VMA22: variants seen among roughly 807,000 people sequenced by gnomAD.
VMA22 encodes the protein vacuolar ATPase assembly factor VMA22, also known as vacuolar ATPase assembly protein VMA22.
At chr2:130,341,878 C>T in the VMA22 span, 2 of 1,482,188 alleles carry the variant, frequency 1.3e-6, no homozygotes, top group Non-Finnish European at 1.8e-6. Context: ...ATGTGGGAAG[C>T]ATACTGCAGG....
chr2:130,339,530 C>A, the VMA22 span: 1 of 1,283,834 alleles, frequency 7.8e-7, no homozygotes, highest in Non-Finnish European at 1.0e-6. Context: ...CCTTCCTTCC[C>A]CCATTATTAC....
the VMA22 span, chr2:130,342,059 C>T: frequency 1.9e-6 from 3 of 1,613,980 alleles, no homozygotes; most frequent in Non-Finnish European, 2.5e-6. Context: ...CCCTCCAGCT[C>T]CTCCAGGTCC....
chr2:130,341,682 C>A, the VMA22 span: 1 of 1,611,500 alleles, frequency 6.2e-7, no homozygotes, highest in Non-Finnish European at 8.5e-7. Context: ...TCGCGAGGCC[C>A]CACCTCCTCT....
the VMA22 span, chr2:130,339,372 C>T: frequency 7.4e-7 from 1 of 1,346,562 alleles, no homozygotes; most frequent in Admixed American, 2.7e-5. Context: ...AGGTACGGCC[C>T]TGCATTGGCT....
At chr2:130,339,264 T>G in the VMA22 span, 1 of 1,586,860 alleles carries the variant, frequency 6.3e-7, no homozygotes, top group Non-Finnish European at 8.6e-7. Flanking sequence ...CACCATGGTA[T>G]CTGTAGTGTA....
the VMA22 span, chr2:130,340,776 A>G: frequency 3.6e-6 from 4 of 1,105,694 alleles, no homozygotes; most frequent in Non-Finnish European, 5.4e-6. Context: ...ATGGGTGTAC[A>G]ACGGAAGTTT....
chr2:130,342,235 G>T, the VMA22 span: 1 of 1,549,144 alleles, frequency 6.5e-7, no homozygotes. Context: ...CCCATCTGGG[G>T]ATCCCCACGC....
the VMA22 span, chr2:130,341,956 G>A: frequency 6.2e-7 from 1 of 1,613,288 alleles, no homozygotes. Context: ...TGCAGGGAGA[G>A]GAAAGCGGTG....
the VMA22 span, chr2:130,342,159 C>T: frequency 3.7e-6 from 6 of 1,609,880 alleles, no homozygotes; most frequent in East Asian, 1.1e-4. Context: ...CACCTTCTTC[C>T]TTGTCACCCT....
At chr2:130,339,770 C>G in the VMA22 span, 1 of 1,303,618 alleles carries the variant, frequency 7.7e-7, no homozygotes, top group East Asian at 5.6e-5. Context: ...CACCTGCCCC[C>G]AGGTGTTGCT....
the VMA22 span, chr2:130,342,340 G>C: frequency 1.2e-6 from 1 of 823,594 alleles, no homozygotes; most frequent in Non-Finnish European, 1.9e-6. Flanking sequence ...TCTCCAATTA[G>C]CCCCCAAGTG....
chr2:130,340,577 A>C, the VMA22 span: 1 of 360,762 alleles, frequency 2.8e-6, no homozygotes, highest in South Asian at 2.2e-5. Flanking sequence ...GTCCCACTCC[A>C]TTATGTGTTT....
chr2:130,340,934 C>T, the VMA22 span: 31 of 1,613,950 alleles, frequency 1.9e-5, no homozygotes, highest in African/African-American at 1.3e-4. Flanking sequence ...TTGAGCCTGA[C>T]GTAGACTGTG....
At chr2:130,341,801 G>GCCCCCCCCCCC in the VMA22 span, 3 of 1,378,138 alleles carry the variant, frequency 2.2e-6, no homozygotes, top group South Asian at 1.3e-5. Context: ...CCTAGAACGC[G>GCCCCCCCCCCC]CCCGCCCGCC....
the VMA22 span, chr2:130,339,182 C>T: frequency 4.3e-6 from 7 of 1,614,046 alleles, no homozygotes; most frequent in Admixed American, 1.2e-4. Context: ...TGGCTTCGAC[C>T]CCAGTCAATG....
the VMA22 span, chr2:130,339,216 TGCG>T: frequency 6.2e-7 from 1 of 1,614,042 alleles, no homozygotes; most frequent in Non-Finnish European, 8.5e-7. Context: ...TGGCTATGTC[TGCG>T]GCCAGCTGCA....
chr2:130,338,880 AGT>A, the VMA22 span: 7 of 514,404 alleles, frequency 1.4e-5, no homozygotes, highest in Admixed American at 2.3e-4. Flanking sequence ...TGCCTATGTG[AGT>A]GTGTCCTATG....
At chr2:130,341,600 A>C in the VMA22 span, 6 of 1,314,008 alleles carry the variant, frequency 4.6e-6, no homozygotes, top group African/African-American at 7.3e-5. Context: ...AATTTAAATC[A>C]TCTCCATAAT....
chr2:130,341,055 T>C, the VMA22 span: 18 of 1,586,308 alleles, frequency 1.1e-5, no homozygotes, highest in Admixed American at 7.3e-5. Flanking sequence ...GAAAGAAAGG[T>C]TGGAGGAGGC....
Sources: allele counts gnomAD v4.1 joint callset, GRCh38; gene constraint gnomAD v4.1.1; transcripts MANE v1.5; gene names NCBI Gene and HGNC (gene_info 2026-07-23, HGNC 2026-07-21).